Variants in RBFOX1 observed in about 807,000 individuals in gnomAD.
The protein encoded by RBFOX1 is RNA binding protein fox-1 homolog 1.
Under a neutral mutation model 57.7 loss-of-function variants are expected in RBFOX1, and 8 were observed. The observed-to-expected ratio is 0.14, with a 90% CI of 0.08 to 0.25. The LOEUF (loss-of-function observed/expected upper bound fraction) is 0.25. Among genes scored for constraint, RBFOX1 ranks in the 10% least tolerant of loss-of-function variants. The pLI is 1.00. For synonymous variants in RBFOX1, 326 were observed against 222.4 expected (o/e 1.47, Z -4.15); for missense variants, 611 against 548.5 (o/e 1.11, Z -1.14).
chr16:7,321,653 G>A (rs1045243573), intron 4 of RBFOX1, among the ~76,000 whole-genome samples: 2 of 152,148 alleles, frequency 1.3e-5, no homozygotes, highest in African/African-American at 4.8e-5. Flanking sequence ...GATTAAGTGA[G>A]TTAATATACA....
chr16:7,438,505 C>T (rs2098740189), intron 4 of RBFOX1, among the ~76,000 whole-genome samples: 1 of 152,152 alleles, frequency 6.6e-6, no homozygotes, highest in South Asian at 2.1e-4. Context: ...ACTGGAACAT[C>T]CACGGACTCC....
At chr16:6,690,290 A>G (rs1296940142) in intron 3 of RBFOX1, among the ~76,000 whole-genome samples, 1 of 152,142 alleles carries the variant, frequency 6.6e-6, no homozygotes, top group East Asian at 1.9e-4. Context: ...AGAAACAATG[A>G]TAATATGTGT....
rs970837801 is a variant in RBFOX1, at chr16:5,261,772, G to A, written c.219+21667G>A. On this transcript the variant is annotated intron_variant, in intron 1 of 2. Coordinates refer to the RBFOX1 transcript ENST00000585867. The stretch of plus-strand genomic sequence containing the variant: ...TCACCGTGTTAGCCAGGATGGTCTC[G>A]ATCTCCTGACCTCGTGATCCGCTGG... 3.3e-5 allele frequency among the ~76,000 whole-genome samples: 5 copies of A among 152,062 alleles called. No individual in the cohort carries two copies. In the East Asian group the frequency reaches 5.8e-4, roughly 18 times the overall value.
intron 9 of RBFOX1, among the ~76,000 whole-genome samples, chr16:7,604,056 C>T (rs2095176579): frequency 6.6e-6 from 1 of 151,952 alleles, no homozygotes. Flanking sequence ...CAAGTTTTAA[C>T]CAACAGGATT....
At chr16:7,218,026 TGTGTGCGCGC>T (rs1250622090) in intron 4 of RBFOX1, among the ~76,000 whole-genome samples, 10 of 151,480 alleles carry the variant, frequency 6.6e-5, no homozygotes, top group African/African-American at 1.7e-4. Flanking sequence ...GTGTGTGGGG[TGTGTGCGCGC>T]GTGTGCGTGC....
intron 1 of RBFOX1, among the ~76,000 whole-genome samples, chr16:5,423,891 C>G (rs2067432344): frequency 6.6e-6 from 1 of 152,162 alleles, no homozygotes; most frequent in Non-Finnish European, 1.5e-5. Flanking sequence ...GTTCAAGCAT[C>G]TCAGAGTAGT....
At chr16:6,554,388 G>C (rs2097054772) in intron 2 of RBFOX1, among the ~76,000 whole-genome samples, 1 of 152,140 alleles carries the variant, frequency 6.6e-6, no homozygotes. Context: ...TAGGGATGGA[G>C]CGTGGACTGC....
intron 4 of RBFOX1, among the ~76,000 whole-genome samples, chr16:7,317,469 C>T (rs2096465440): frequency 6.6e-6 from 1 of 152,152 alleles, no homozygotes; most frequent in Non-Finnish European, 1.5e-5. Flanking sequence ...GCTATTATCA[C>T]CACCACTATC....
chr16:6,380,003 C>A (rs983839266), intron 2 of RBFOX1, among the ~76,000 whole-genome samples: 1 of 152,108 alleles, frequency 6.6e-6, no homozygotes, highest in African/African-American at 2.4e-5. Context: ...GAAGGGACAC[C>A]TTCCCTGTTA....
chr16:5,925,351 CT>C (rs1461321612), intron 4 of RBFOX1, among the ~76,000 whole-genome samples: 3 of 152,182 alleles, frequency 2.0e-5, no homozygotes, highest in Non-Finnish European at 4.4e-5. Flanking sequence ...CTCACCCAAG[CT>C]ACAGTGTAGA....
intron 1 of RBFOX1, among the ~76,000 whole-genome samples, chr16:6,176,678 A>G (rs1164583965): frequency 7.1e-6 from 1 of 140,876 alleles, no homozygotes; most frequent in South Asian, 2.3e-4. Flanking sequence ...TTTGCTAACA[A>G]CCATTCTTAG....
At chr16:7,449,508 G>C (rs1420648433) in intron 4 of RBFOX1, among the ~76,000 whole-genome samples, 2 of 152,086 alleles carry the variant, frequency 1.3e-5, no homozygotes, top group Non-Finnish European at 2.9e-5. Flanking sequence ...GTAGCTCTGA[G>C]TCATGATCTA....
chr16:6,601,134 C>G (rs2097847781), intron 2 of RBFOX1, among the ~76,000 whole-genome samples: 1 of 152,136 alleles, frequency 6.6e-6, no homozygotes, highest in Admixed American at 6.5e-5. Flanking sequence ...AGTTGTAAAG[C>G]CTTTGGGCTT....
chr16:6,465,000 A>G (rs990245437), intron 2 of RBFOX1, among the ~76,000 whole-genome samples: 3 of 152,216 alleles, frequency 2.0e-5, no homozygotes, highest in African/African-American at 4.8e-5. Flanking sequence ...CTTTTGTAAC[A>G]TGGTCATAAT....
At chr16:6,267,532 A>AGTCCT (rs2074673466) in intron 1 of RBFOX1, among the ~76,000 whole-genome samples, 1 of 152,204 alleles carries the variant, frequency 6.6e-6, no homozygotes. Flanking sequence ...AACGAGCAAC[A>AGTCCT]GTCCTTTCTT....
chr16:7,163,626 A>C (rs2078849668), intron 4 of RBFOX1, among the ~76,000 whole-genome samples: 1 of 151,324 alleles, frequency 6.6e-6, no homozygotes, highest in African/African-American at 2.4e-5. Flanking sequence ...TTTTTTTTCA[A>C]GTTTTATTTA....
At chr16:5,364,581 C>G (rs761355682) in intron 1 of RBFOX1, among the ~76,000 whole-genome samples, 2 of 152,208 alleles carry the variant, frequency 1.3e-5, no homozygotes, top group Non-Finnish European at 2.9e-5. Context: ...TTACTCCATT[C>G]TCTATCTAAA....
At chr16:6,053,310 G>C (rs2095575866) in intron 1 of RBFOX1, among the ~76,000 whole-genome samples, 1 of 152,198 alleles carries the variant, frequency 6.6e-6, no homozygotes, top group South Asian at 2.1e-4. Context: ...ATTGCGCAGA[G>C]AGCTTGATGA....
intron 1 of RBFOX1, among the ~76,000 whole-genome samples, chr16:5,351,684 G>T (rs1012390860): frequency 3.9e-5 from 6 of 152,186 alleles, no homozygotes; most frequent in African/African-American, 1.4e-4. Flanking sequence ...AACTAGAGCG[G>T]TCAAGGGAGG....
Sources: gnomAD v4.1 joint callset for allele counts (sites outside exome capture counted in the v4.1 genomes callset) on GRCh38, gnomAD v4.1.1 for gene constraint, MANE v1.5 for transcripts, NCBI Gene and HGNC (gene_info 2026-07-23, HGNC 2026-07-21) for gene names.